DLGAP1: variants seen among roughly 807,000 people sequenced by gnomAD.
The protein encoded by DLGAP1 is disks large-associated protein 1.
In DLGAP1, 11 loss-of-function variants were observed where a neutral mutation model predicts 90.8. That is an observed-to-expected ratio of 0.12 (90% CI 0.08 to 0.20). The LOEUF (loss-of-function observed/expected upper bound fraction) is 0.20. Among genes scored for constraint, DLGAP1 ranks in the 10% least tolerant of loss-of-function variants. The pLI, the probability that DLGAP1 is intolerant of heterozygous loss-of-function variation, is 1.00. For synonymous variants in DLGAP1, 558 were observed against 540.7 expected (o/e 1.03, Z -0.44); for missense variants, 1,050 against 1,333.8 (o/e 0.79, Z 3.31).
chr18:4,357,556 G>A (rs2081548825), intron 1 of DLGAP1, among the ~76,000 whole-genome samples: 1 of 152,146 alleles, frequency 6.6e-6, no homozygotes, highest in Non-Finnish European at 1.5e-5. Context: ...TATAATCGTG[G>A]CCTGAATGAA....
At chr18:3,685,951 A>G (rs2060688688) in intron 7 of DLGAP1, among the ~76,000 whole-genome samples, 1 of 152,184 alleles carries the variant, frequency 6.6e-6, no homozygotes. Context: ...AGGCAGGAGG[A>G]TCACCTGATG....
At chr18:4,009,983 T>C (rs1568349615) in intron 2 of DLGAP1, among the ~76,000 whole-genome samples, 3 of 152,230 alleles carry the variant, frequency 2.0e-5, no homozygotes, top group Non-Finnish European at 4.4e-5. Context: ...CAAGTCATGA[T>C]CTGCACTACT....
intron 3 of DLGAP1, among the ~76,000 whole-genome samples, chr18:3,905,721 A>G (rs1370607951): frequency 6.6e-6 from 1 of 152,212 alleles, no homozygotes; most frequent in African/African-American, 2.4e-5. Flanking sequence ...CCATAAAAAT[A>G]GCCATGTCAG....
chr18:4,031,702 T>C (rs1257708922), intron 2 of DLGAP1, among the ~76,000 whole-genome samples: 3 of 152,206 alleles, frequency 2.0e-5, no homozygotes, highest in East Asian at 1.9e-4. Context: ...ATCTGTCTGA[T>C]GATAATGAAA....
chr18:4,267,218 T>C (rs2145319991), intron 1 of DLGAP1, among the ~76,000 whole-genome samples: 1 of 152,232 alleles, frequency 6.6e-6, no homozygotes, highest in East Asian at 1.9e-4. Flanking sequence ...ACCTATCTAA[T>C]GAGCCTAATA....
At chr18:3,884,649 T>C (rs1194286833) in intron 3 of DLGAP1, among the ~76,000 whole-genome samples, 1 of 152,202 alleles carries the variant, frequency 6.6e-6, no homozygotes, top group Non-Finnish European at 1.5e-5. Flanking sequence ...TTAAGTTAAA[T>C]GATGTAACCA....
At chr18:3,721,693 GA>G (rs939285084) in intron 7 of DLGAP1, 2 of 152,016 alleles carry the variant, frequency 1.3e-5, no homozygotes, top group African/African-American at 2.4e-5. Context: ...AAGAATGAAA[GA>G]AAAAAGCTCC....
chr18:3,863,937 G>C (rs573984809), intron 4 of DLGAP1, among the ~76,000 whole-genome samples: 2 of 152,300 alleles, frequency 1.3e-5, no homozygotes, highest in African/African-American at 2.4e-5. Context: ...GGCAACTTGG[G>C]TACCTTAGAA....
intron 3 of DLGAP1, among the ~76,000 whole-genome samples, chr18:3,942,067 G>A (rs935019292): frequency 3.3e-5 from 5 of 152,198 alleles, no homozygotes; most frequent in African/African-American, 1.2e-4. Flanking sequence ...TTAGGAGAGA[G>A]ACAACATGTA....
intron 1 of DLGAP1, among the ~76,000 whole-genome samples, chr18:4,211,147 C>T (rs757315885): frequency 7.9e-5 from 12 of 152,192 alleles, no homozygotes; most frequent in Non-Finnish European, 1.6e-4. Context: ...ATGTAGCCAC[C>T]TGGTTTACCG....
At chr18:3,603,156 A>G (rs1245234149) in intron 7 of DLGAP1, 1 of 152,192 alleles carries the variant, frequency 6.6e-6, no homozygotes, top group African/African-American at 2.4e-5. Context: ...GGTTCAGCCC[A>G]TTTGCAGTTG....
intron 1 of DLGAP1, among the ~76,000 whole-genome samples, chr18:4,326,457 G>A (rs930102397): frequency 5.9e-5 from 9 of 152,104 alleles, no homozygotes; most frequent in Non-Finnish European, 1.0e-4. Context: ...ACTGAACACA[G>A]AATTAGCATT....
chr18:3,870,250 A>G (rs1239454522), intron 4 of DLGAP1, among the ~76,000 whole-genome samples: 1 of 152,210 alleles, frequency 6.6e-6, no homozygotes, highest in Non-Finnish European at 1.5e-5. Flanking sequence ...ACATAAAATT[A>G]AGGAAGCTTT....
intron 1 of DLGAP1, among the ~76,000 whole-genome samples, chr18:4,190,303 T>C (rs2077373251): frequency 6.6e-6 from 1 of 152,120 alleles, no homozygotes; most frequent in African/African-American, 2.4e-5. Flanking sequence ...TATGATGTTC[T>C]GGAAAAGGCA....
Position 4,412,869 on chromosome 18 carries a change from A to C in DLGAP1, c.-267+42137T>G, listed in dbSNP as rs1483246303. ...GTCCTGGATAATACATGATTTGCCA[A>C]AGTCCTAAGAAATGTGCTGCCTAGA... On this transcript the variant is annotated intron_variant, in intron 1 of 12. Transcript: ENST00000315677. 2.6e-5 allele frequency among the ~76,000 whole-genome samples: 4 copies of C among 152,332 alleles called. No homozygotes were observed. In the East Asian group the frequency reaches 7.7e-4, roughly 29 times the overall value.
At chr18:4,139,312 C>T (rs1283089839) in intron 2 of DLGAP1, among the ~76,000 whole-genome samples, 6 of 151,924 alleles carry the variant, frequency 3.9e-5, no homozygotes, top group South Asian at 2.1e-4. Flanking sequence ...GGCTTTCATA[C>T]GTTGTGTTTC....
intron 10 of DLGAP1, among the ~76,000 whole-genome samples, chr18:3,519,938 A>G (rs546503754): frequency 4.6e-5 from 7 of 152,272 alleles, no homozygotes; most frequent in African/African-American, 1.7e-4. Flanking sequence ...TGTGGGGCTT[A>G]AAACCTAGAT....
chr18:3,605,136 T>C (rs2057269610), intron 7 of DLGAP1, among the ~76,000 whole-genome samples: 1 of 152,204 alleles, frequency 6.6e-6, no homozygotes, highest in Non-Finnish European at 1.5e-5. Flanking sequence ...TTTTCAGGTC[T>C]CAGAATTCTG....
At chr18:3,901,689 C>T (rs572278269) in intron 3 of DLGAP1, among the ~76,000 whole-genome samples, 28 of 152,268 alleles carry the variant, frequency 1.8e-4, no homozygotes, top group Admixed American at 1.4e-3. Flanking sequence ...TTTAACATTT[C>T]TGCTTAGTCT....
Sources: gnomAD v4.1 joint callset for allele counts (sites outside exome capture counted in the v4.1 genomes callset) on GRCh38, gnomAD v4.1.1 for gene constraint, MANE v1.5 for transcripts, NCBI Gene and HGNC (gene_info 2026-07-23, HGNC 2026-07-21) for gene names.